C11orf65: variants seen among roughly 807,000 people sequenced by gnomAD.
C11orf65 encodes chromosome 11 open reading frame 65.
C11orf65 carries 38 observed loss-of-function variants against 35.3 expected under a neutral mutation model. That is an observed-to-expected ratio of 1.08 (90% CI 0.83 to 1.41). C11orf65 has a LOEUF of 1.41. C11orf65 is among the 40% of genes most tolerant of loss of function. C11orf65 has a pLI of 0.00. For synonymous variants in C11orf65, 105 were observed against 114.4 expected (o/e 0.92, Z 0.53); for missense variants, 370 against 367.1 (o/e 1.01, Z -0.06).
chr11:108,383,767 C>T (rs545864943), intron 8 of C11orf65, among the ~76,000 whole-genome samples: 30 of 152,180 alleles, frequency 2.0e-4, no homozygotes, highest in Admixed American at 4.6e-4. Flanking sequence ...ATCTCCACTA[C>T]TTAAAATAAT....
intron 6 of C11orf65, among the ~76,000 whole-genome samples, chr11:108,403,490 C>T (rs554188625): frequency 7.9e-5 from 11 of 138,724 alleles, no homozygotes; most frequent in South Asian, 2.3e-4. Context: ...TGTTTTATCC[C>T]GGTCTATGGC....
At chr11:108,405,073 A>G (rs2092515012) in intron 6 of C11orf65, among the ~76,000 whole-genome samples, 1 of 152,222 alleles carries the variant, frequency 6.6e-6, no homozygotes, top group Non-Finnish European at 1.5e-5. Context: ...TCTTAAGACA[A>G]GCCTTTGATG....
chr11:108,321,656 G>C (rs571350422), intron 6 of C11orf65, among the ~76,000 whole-genome samples: 1 of 151,942 alleles, frequency 6.6e-6, no homozygotes, highest in African/African-American at 2.4e-5. Flanking sequence ...GGTGGTGGGC[G>C]CCTGTAATCT....
In C11orf65 at chr11:108,395,910, C is replaced by T. The variant is rs556774805; in HGVS notation, c.561-2532G>A. 7.5e-5 allele frequency among the ~76,000 whole-genome samples: 11 copies of T among 147,402 alleles called. No individual in the cohort carries two copies. The East Asian group carries it at 1.2e-3, about 17-fold the overall frequency. On this transcript the variant is annotated intron_variant, in intron 6 of 8. Coordinates refer to ENST00000393084, the MANE Select transcript of C11orf65 (RefSeq NM_152587.5). The stretch of plus-strand genomic sequence containing the variant: ...TGCTGGGATTACAGGTGTGAGCCAC[C>T]GCGCCCAGCCAAAATTTTTTAAAAT...
chr11:108,315,005 A>G (rs1374376756), intron 6 of C11orf65, among the ~76,000 whole-genome samples: 2 of 152,222 alleles, frequency 1.3e-5, no homozygotes, highest in Non-Finnish European at 2.9e-5. Context: ...TTGTAATGGC[A>G]TGACTTTTCT....
At chr11:108,337,301 A>C (rs182678288) in intron 2 of C11orf65, among the ~76,000 whole-genome samples, 136 of 152,348 alleles carry the variant, frequency 8.9e-4, no homozygotes, top group Admixed American at 4.6e-4. Context: ...ACCTTCTGCA[A>C]TAATAACTAA....
At chr11:108,409,847 T>A (rs2092623491) in intron 3 of C11orf65, among the ~76,000 whole-genome samples, 2 of 152,212 alleles carry the variant, frequency 1.3e-5, no homozygotes, top group Admixed American at 1.3e-4. Flanking sequence ...GAGAATCTAA[T>A]GCCTTGATGA....
Position 108,365,074 on chromosome 11 carries a change from C to T in C11orf65, c.226+28134G>A, listed in dbSNP as rs768937303. 3 of 1,613,782 alleles carry T rather than the reference C, an allele frequency of 1.9e-6. No homozygotes were observed. Among genetic ancestry groups the T allele is most frequent in the South Asian group, 1.1e-5 (1 of 91,066 alleles). ...TGTTCTTTTAATACATATGTTCTCT[C>T]TGTTTAGGTCCTTCTATATGATCCA... On this transcript the variant is annotated intron_variant, in intron 2 of 3. Coordinates refer to the C11orf65 transcript ENST00000524755.
At chr11:108,386,249 C>T (rs1037529230) in intron 7 of C11orf65, among the ~76,000 whole-genome samples, 11 of 152,154 alleles carry the variant, frequency 7.2e-5, no homozygotes, top group Non-Finnish European at 1.5e-4. Flanking sequence ...CTCATTTTAT[C>T]CTGTTAATTC....
At chr11:108,365,031 T>A (rs1351257434) in intron 2 of C11orf65, 2 of 1,594,660 alleles carry the variant, frequency 1.3e-6, no homozygotes, top group Non-Finnish European at 1.7e-6. Context: ...TTTCTAAGTA[T>A]GTGATTAAAA....
intron 2 of C11orf65, among the ~76,000 whole-genome samples, chr11:108,449,034 A>G (rs1804821706): frequency 6.6e-6 from 1 of 152,224 alleles, no homozygotes. Context: ...CCCATTCACA[A>G]TTGCTTCAAA....
intron 8 of C11orf65, 97 bp from the exon 9 acceptor site, chr11:108,383,272 A>C: frequency 9.4e-7 from 1 of 1,067,144 alleles, no homozygotes; most frequent in Non-Finnish European, 1.3e-6. Context: ...ATTCCTTTTC[A>C]CCATTCTTAA....
At chr11:108,335,670 G>A (rs1395895174) in intron 2 of C11orf65, among the ~76,000 whole-genome samples, 2 of 152,200 alleles carry the variant, frequency 1.3e-5, no homozygotes, top group Non-Finnish European at 2.9e-5. Context: ...CAGTGTAAAT[G>A]TTGTAGCTTA....
chr11:108,397,405 A>G (rs1028728775), intron 6 of C11orf65, among the ~76,000 whole-genome samples: 6 of 151,988 alleles, frequency 3.9e-5, no homozygotes, highest in Non-Finnish European at 5.9e-5. Flanking sequence ...ACATGATCTT[A>G]TATTCTTTCT....
downstream of C11orf65, chr11:108,328,972 G>T: frequency 1.3e-6 from 2 of 1,511,698 alleles, no homozygotes; most frequent in Non-Finnish European, 1.8e-6. Flanking sequence ...TTCTTTAGAT[G>T]TATTTAGTAT....
chr11:108,460,232 T>C (rs759315778), intron 2 of C11orf65, among the ~76,000 whole-genome samples: 1 of 152,184 alleles, frequency 6.6e-6, no homozygotes, highest in Non-Finnish European at 1.5e-5. Context: ...ACAAAGGTGG[T>C]CTTGTAAGCC....
intron 2 of C11orf65, chr11:108,368,583 A>G: frequency 4.6e-6 from 1 of 218,360 alleles, no homozygotes; most frequent in Non-Finnish European, 9.2e-6. Flanking sequence ...ACAGTATCTA[A>G]CTTGAAAAGA....
In C11orf65 at chr11:108,389,985, C is replaced by T. The variant is rs1052835898; in HGVS notation, c.731+3223G>A. ...CTGGGATTACAGGCATGAGCCACCTCGCCTGGCTGGTTTTTTTTTTATTTA... is the reference window on the plus strand; with the variant it reads ...CTGGGATTACAGGCATGAGCCACCTTGCCTGGCTGGTTTTTTTTTTATTTA... On this transcript the variant is annotated intron_variant, in intron 7 of 8. Coordinates refer to ENST00000393084, the MANE Select transcript of C11orf65 (RefSeq NM_152587.5). Among the ~76,000 whole-genome samples, 5 of 135,178 alleles carry T rather than the reference C, an allele frequency of 3.7e-5. No individual in the cohort carries two copies. The East Asian group carries it at 1.0e-3, about 28-fold the overall frequency. 88.7% of individuals were successfully genotyped at this position (135,178 alleles called of 152,430 possible). A position where few individuals can be genotyped will look rare whatever the true frequency, so the allele number is the denominator to read the frequency against.
intron 3 of C11orf65, chr11:108,334,049 TAG>T: frequency 1.8e-6 from 2 of 1,132,174 alleles, no homozygotes; most frequent in Non-Finnish European, 2.6e-6. Context: ...TATTTTTATG[TAG>T]GTCAAAATTG....
Sources: allele counts gnomAD v4.1 joint callset (sites outside exome capture counted in the v4.1 genomes callset), GRCh38; gene constraint gnomAD v4.1.1; transcripts MANE v1.5; gene names NCBI Gene and HGNC (gene_info 2026-07-23, HGNC 2026-07-21).